The following SSBP3 variants were observed in gnomAD, a reference collection of about 807,000 sequenced individuals.
The protein encoded by SSBP3 is single-stranded DNA-binding protein 3.
A neutral mutation model predicts 69.6 loss-of-function variants in SSBP3; 5 were observed. That is an observed-to-expected ratio of 0.07 (90% CI 0.04 to 0.15). The LOEUF is 0.15. SSBP3 is among the 10% of genes least tolerant of loss of function. The pLI is 1.00. For synonymous variants in SSBP3, 196 were observed against 193.4 expected (o/e 1.01, Z -0.11); for missense variants, 312 against 534.0 (o/e 0.58, Z 4.10).
intron 4 of SSBP3, among the ~76,000 whole-genome samples, chr1:54,347,045 T>C (rs1255173430): frequency 6.6e-6 from 1 of 152,104 alleles, no homozygotes; most frequent in African/African-American, 2.4e-5. Context: ...CACTGCATCC[T>C]TGGACTCCTG....
At chr1:54,243,454 G>C (rs1043558688) in intron 9 of SSBP3, 155 bp from the exon 10 acceptor site, 11 of 887,208 alleles carry the variant, frequency 1.2e-5, no homozygotes, top group Non-Finnish European at 2.0e-5. Flanking sequence ...GGTGGGGCGG[G>C]TGGGAACCAA....
chr1:54,340,956 A>C (rs1245151989), intron 4 of SSBP3, among the ~76,000 whole-genome samples: 1 of 152,228 alleles, frequency 6.6e-6, no homozygotes, highest in Non-Finnish European at 1.5e-5. Context: ...GGAATCAGGA[A>C]CATCTGAATT....
chr1:54,301,747 C>A (rs2101002214), intron 4 of SSBP3, among the ~76,000 whole-genome samples: 1 of 152,332 alleles, frequency 6.6e-6, no homozygotes, highest in East Asian at 1.9e-4. Context: ...ATCCCCCACC[C>A]ACCTGTCCGG....
At chr1:54,240,100 G>GCGCGCA (rs1557448955) in intron 13 of SSBP3, among the ~76,000 whole-genome samples, 1 of 9,172 alleles carries the variant, frequency 1.1e-4, no homozygotes. Flanking sequence ...GCGCGCGCGC[G>GCGCGCA]TGTGCGTGCG....
chr1:54,353,258 C>G (rs1187100176), intron 4 of SSBP3, among the ~76,000 whole-genome samples: 1 of 152,180 alleles, frequency 6.6e-6, no homozygotes, highest in East Asian at 1.9e-4. Context: ...AGGGCAGACC[C>G]ATTCTTTCCG....
chr1:54,239,044 T>C (rs753913416), intron 14 of SSBP3, 85 bp downstream of exon 14: 11 of 1,165,042 alleles, frequency 9.4e-6, no homozygotes, highest in Admixed American at 3.7e-5. Context: ...CTGAAATCAA[T>C]TAAACTTGCT....
At chr1:54,336,744 G>A (rs908509500) in intron 4 of SSBP3, among the ~76,000 whole-genome samples, 3 of 152,306 alleles carry the variant, frequency 2.0e-5, no homozygotes, top group African/African-American at 4.8e-5. Flanking sequence ...GGGCTTTGGC[G>A]TGCTGCAGCA....
chr1:54,378,712 G>A (rs1209453475), intron 4 of SSBP3, among the ~76,000 whole-genome samples: 1 of 152,200 alleles, frequency 6.6e-6, no homozygotes, highest in Non-Finnish European at 1.5e-5. Context: ...AGGGGAGTGA[G>A]GCCCGGGGCT....
At chr1:54,305,629 AAAAAAGAGAG>A (rs1296618066) in intron 4 of SSBP3, among the ~76,000 whole-genome samples, 21 of 142,638 alleles carry the variant, frequency 1.5e-4, no homozygotes, top group African/African-American at 5.7e-4. Flanking sequence ...TAAAAAAAAA[AAAAAAGAGAG>A]AGAGAGAGAG....
intron 4 of SSBP3, among the ~76,000 whole-genome samples, chr1:54,328,672 C>T (rs149324551): frequency 1.9e-4 from 29 of 152,342 alleles, no homozygotes; most frequent in African/African-American, 7.0e-4. Context: ...GGAGAAGCAG[C>T]TACAGCCATG....
chr1:54,317,153 T>C (rs1230320220), intron 4 of SSBP3, among the ~76,000 whole-genome samples: 2 of 151,990 alleles, frequency 1.3e-5, no homozygotes, highest in Non-Finnish European at 2.9e-5. Flanking sequence ...GGTGGAGAGA[T>C]GGAGGACAGG....
intron 14 of SSBP3, chr1:54,236,866 C>A (rs1263495035): frequency 1.3e-5 from 2 of 152,188 alleles, no homozygotes; most frequent in Non-Finnish European, 1.5e-5. Context: ...GCAAATTACA[C>A]CCCTTTGTGA....
chr1:54,310,885 G>A (rs1645989387), intron 4 of SSBP3, among the ~76,000 whole-genome samples: 1 of 152,258 alleles, frequency 6.6e-6, no homozygotes, highest in South Asian at 2.1e-4. Flanking sequence ...CTCACTGGGA[G>A]CATGCAGATT....
chr1:54,277,524 T>C (rs1645311249), intron 5 of SSBP3, among the ~76,000 whole-genome samples: 1 of 152,210 alleles, frequency 6.6e-6, no homozygotes, highest in Non-Finnish European at 1.5e-5. Flanking sequence ...TTACAGCCCC[T>C]GGTTAACTTG....
At chr1:54,352,030 G>A (rs1274488672) in intron 4 of SSBP3, among the ~76,000 whole-genome samples, 5 of 152,180 alleles carry the variant, frequency 3.3e-5, no homozygotes, top group African/African-American at 9.7e-5. Context: ...GCCTGGTGGC[G>A]CATGCCTGTA....
chr1:54,316,664 AT>A (rs1401402153), intron 4 of SSBP3, among the ~76,000 whole-genome samples: 4,314 of 24,446 alleles, frequency 0.18, 423 homozygotes, highest in Admixed American at 0.27. Flanking sequence ...AAAAAATAAA[AT>A]AAATAAATAA....
chr1:54,336,662 G>A (rs975526162), intron 4 of SSBP3, among the ~76,000 whole-genome samples: 3 of 152,148 alleles, frequency 2.0e-5, no homozygotes, highest in Non-Finnish European at 4.4e-5. Flanking sequence ...ATTTTGTTTT[G>A]TCTGCTCAGC....
intron 4 of SSBP3, among the ~76,000 whole-genome samples, chr1:54,291,078 C>T (rs1645597598): frequency 6.6e-6 from 1 of 152,196 alleles, no homozygotes; most frequent in Non-Finnish European, 1.5e-5. Context: ...GACCCGCGCA[C>T]ACGCTCAGTT....
chr1:54,376,179 C>T lies in SSBP3; in HGVS notation c.276+25682G>A, dbSNP rs1194560332. Among the ~76,000 whole-genome samples the T allele has an allele frequency of 4.6e-5, 7 of 151,174 alleles. No individual in the cohort carries two copies. The East Asian group carries it at 1.0e-3, about 22-fold the overall frequency. On this transcript the variant is annotated intron_variant, in intron 4 of 17. Coordinates refer to ENST00000610401, the Ensembl canonical transcript of SSBP3. The stretch of plus-strand genomic sequence containing the variant: ...CCCCTCCACCCTGTTCACTCGTGTG[C>T]GTGCATGCGTGGGTGTGTGTGTGTG...
Sources: allele counts gnomAD v4.1 joint callset (sites outside exome capture counted in the v4.1 genomes callset), GRCh38; gene constraint gnomAD v4.1.1; transcripts MANE v1.5; gene names NCBI Gene and HGNC (gene_info 2026-07-23, HGNC 2026-07-21).